Variants in SOX6 observed in about 807,000 individuals in gnomAD.
SOX6 encodes the protein transcription factor SOX-6.
A neutral mutation model predicts 97.8 loss-of-function variants in SOX6; 11 were observed. The observed-to-expected ratio is 0.11, with a 90% CI of 0.07 to 0.19. The LOEUF (loss-of-function observed/expected upper bound fraction) is 0.19, where lower values mean the gene tolerates loss of function less well. Among genes scored for constraint, SOX6 ranks in the 10% least tolerant of loss-of-function variants. SOX6 has a pLI of 1.00. For synonymous variants in SOX6, 360 were observed against 371.4 expected, an observed-to-expected ratio of 0.97 and a Z score of 0.35; for missense variants, 810 against 1,039.5, an observed-to-expected ratio of 0.78 and a Z score of 3.04.
intron 4 of SOX6, among the ~76,000 whole-genome samples, chr11:16,494,095 G>A (rs1397614583): frequency 6.6e-6 from 1 of 152,160 alleles, no homozygotes; most frequent in Non-Finnish European, 1.5e-5. Flanking sequence ...AGAAATGAGA[G>A]GCCAGGCACT....
At chr11:16,017,384 T>C (rs990646150) in intron 12 of SOX6, among the ~76,000 whole-genome samples, 1 of 152,020 alleles carries the variant, frequency 6.6e-6, no homozygotes, top group Non-Finnish European at 1.5e-5. Context: ...AATAAATCAA[T>C]GATAGAAATT....
chr11:16,187,833 T>A (rs888285243), intron 4 of SOX6, among the ~76,000 whole-genome samples: 1 of 152,148 alleles, frequency 6.6e-6, no homozygotes. Context: ...AATTAGAGCA[T>A]TTTACCGCAG....
chr11:16,064,316 TA>T (rs1020113036), intron 9 of SOX6, among the ~76,000 whole-genome samples: 1 of 151,464 alleles, frequency 6.6e-6, no homozygotes, highest in South Asian at 2.1e-4. Flanking sequence ...AAACTAACAG[TA>T]AAAAAGAAGG....
At chr11:16,676,681 T>A (rs1369678875) in intron 3 of SOX6, among the ~76,000 whole-genome samples, 2 of 152,164 alleles carry the variant, frequency 1.3e-5, no homozygotes, top group East Asian at 3.9e-4. Context: ...CATCTAATAG[T>A]TCAACAGAGA....
At chr11:16,443,223 C>T (rs559504635) in intron 1 of SOX6, among the ~76,000 whole-genome samples, 6 of 152,252 alleles carry the variant, frequency 3.9e-5, no homozygotes, top group Non-Finnish European at 8.8e-5. Context: ...TATATTTTTT[C>T]ATTCATATCT....
chr11:16,357,181 C>T, upstream of SOX6, among the ~76,000 whole-genome samples: 1 of 152,072 alleles, frequency 6.6e-6, no homozygotes, highest in East Asian at 1.9e-4. Context: ...GGGCTTGGTA[C>T]TACTATAGTT....
chr11:16,713,512 TA>T (rs1205790349), intron 3 of SOX6, among the ~76,000 whole-genome samples: 1 of 152,130 alleles, frequency 6.6e-6, no homozygotes, highest in Non-Finnish European at 1.5e-5. Flanking sequence ...ATAAAAAATT[TA>T]AAAAGGAGAA....
chr11:16,472,847 CCTTTATAGCAGTACACTAACAAA>C (rs1414093196), intron 1 of SOX6, among the ~76,000 whole-genome samples: 1 of 151,868 alleles, frequency 6.6e-6, no homozygotes, highest in Non-Finnish European at 1.5e-5. Flanking sequence ...CTTTAAAATT[CCTTTATAGCAGTACACTAACAAA>C]GAAAAAGTTT....
intron 6 of SOX6, among the ~76,000 whole-genome samples, chr11:16,145,328 T>G (rs1008726730): frequency 5.3e-5 from 8 of 152,226 alleles, no homozygotes; most frequent in African/African-American, 1.9e-4. Context: ...TCTCAATAAA[T>G]TAGGTATTGA....
intron 1 of SOX6, among the ~76,000 whole-genome samples, chr11:16,438,713 A>G (rs1859438538): frequency 6.6e-6 from 1 of 151,928 alleles, no homozygotes; most frequent in African/African-American, 2.4e-5. Context: ...GAAAAAAAAA[A>G]AAGAAGAAAA....
chr11:16,628,567 G>A (rs1848657998), intron 3 of SOX6, among the ~76,000 whole-genome samples: 2 of 144,578 alleles, frequency 1.4e-5, no homozygotes, highest in African/African-American at 2.6e-5. Flanking sequence ...AGGTTGCAGT[G>A]AGCCGAGATC....
At chr11:16,184,107 T>C (rs968386243) in intron 5 of SOX6, among the ~76,000 whole-genome samples, 153 bp from the exon 6 acceptor site, 1 of 152,048 alleles carries the variant, frequency 6.6e-6, no homozygotes, top group Admixed American at 6.6e-5. Flanking sequence ...GAAAGATGGA[T>C]GAAAGGAAAA....
At chr11:16,375,012 T>C (rs1590168832) in intron 1 of SOX6, among the ~76,000 whole-genome samples, 3 of 152,028 alleles carry the variant, frequency 2.0e-5, no homozygotes, top group African/African-American at 7.2e-5. Flanking sequence ...TGCAACACTA[T>C]GCCTATTAGC....
chr11:16,135,246 A>G (rs1346102800), intron 6 of SOX6, among the ~76,000 whole-genome samples: 1 of 152,220 alleles, frequency 6.6e-6, no homozygotes, highest in Non-Finnish European at 1.5e-5. Context: ...ATGGAGATTA[A>G]TGTTGTTTTC....
intron 3 of SOX6, among the ~76,000 whole-genome samples, chr11:16,259,990 C>CAT (rs925787579): frequency 6.1e-5 from 8 of 130,524 alleles, no homozygotes; most frequent in African/African-American, 3.0e-5. Context: ...TACACATATA[C>CAT]ATATATATAT....
intron 1 of SOX6, among the ~76,000 whole-genome samples, chr11:16,394,017 T>G (rs1171333581): frequency 6.6e-6 from 1 of 151,942 alleles, no homozygotes; most frequent in Non-Finnish European, 1.5e-5. Flanking sequence ...CTGATTTCTG[T>G]CCCAGTTTTC....
rs5789943 is a variant in SOX6 at position 16,188,229 on chromosome 11, C to CAA, written c.536-1276_536-1275dup. On this transcript the variant is annotated intron_variant, in intron 4 of 15. Coordinates refer to ENST00000683767, the MANE Select transcript of SOX6 (RefSeq NM_001367873.1). ...GGGATTCTTAATGTCAACTCAGGTC[C>CAA]AAAAAAAAAAAAAAAAAGAAAAGCT... Among the ~76,000 whole-genome samples the CAA allele has an allele frequency of 3.0e-3, 341 of 113,312 alleles. 2 individuals carry two copies. Among genetic ancestry groups the CAA allele is most frequent in the African/African-American group, 5.8e-3 (187 of 32,076 alleles). The allele number at this position is 113,312 out of a possible 152,430, so 74.3% of individuals were successfully genotyped here.
chr11:16,719,081 C>T (rs1229268966), intron 2 of SOX6, among the ~76,000 whole-genome samples: 2 of 150,554 alleles, frequency 1.3e-5, no homozygotes, highest in Admixed American at 1.3e-4. Flanking sequence ...ATGTAATTTC[C>T]AAAACTGTAA....
At chr11:16,229,672 A>C (rs1390736160) in intron 4 of SOX6, among the ~76,000 whole-genome samples, 5 of 151,944 alleles carry the variant, frequency 3.3e-5, no homozygotes, top group Non-Finnish European at 5.9e-5. Flanking sequence ...GAGATATACA[A>C]TTCTGTAAGA....
Sources: gnomAD v4.1 joint callset for allele counts (sites outside exome capture counted in the v4.1 genomes callset) on GRCh38, gnomAD v4.1.1 for gene constraint, MANE v1.5 for transcripts, NCBI Gene and HGNC (gene_info 2026-07-23, HGNC 2026-07-21) for gene names.